Variants in RFTN2 observed in about 807,000 individuals in gnomAD.
RFTN2 encodes raftlin-2.
A neutral mutation model predicts 52.7 loss-of-function variants in RFTN2; 34 were observed. The observed-to-expected ratio is 0.64, with a 90% CI of 0.49 to 0.86. RFTN2 has a LOEUF of 0.86. Ranked by LOEUF, RFTN2 falls within the 40% of genes least tolerant of loss-of-function variation. The probability of loss-of-function intolerance (pLI) is 0.00; values close to 1 mark genes in which losing one functional copy is unlikely to be tolerated. For missense variants in RFTN2, 536 were observed against 600.1 expected, an observed-to-expected ratio of 0.89 and a Z score of 1.12; for synonymous variants, 203 against 217.7, an observed-to-expected ratio of 0.93 and a Z score of 0.59.
intron 7 of RFTN2, among the ~76,000 whole-genome samples, chr2:197,610,671 G>A (rs1009566735): frequency 1.3e-5 from 2 of 152,182 alleles, no homozygotes; most frequent in Non-Finnish European, 2.9e-5. Context: ...TGGTGAGAGA[G>A]GGCATCCTTG....
chr2:197,571,514 A>G lies in RFTN2; in HGVS notation c.*494T>C, dbSNP rs1257038237. ...TGCTATAGTTAAAGACAAAATGTGG[A>G]TTAATTATTATATTTGGGAAATAGA... On this transcript the variant is annotated 3_prime_UTR_variant, in exon 9 of 9. Transcript: ENST00000295049. 1.9e-5 allele frequency: 3 copies of G among 157,176 alleles called. No homozygotes were observed. Among genetic ancestry groups the G allele is most frequent in the African/African-American group, 7.2e-5 (3 of 41,474 alleles). The allele number at this position is 157,176 out of a possible 1,614,324, so 9.7% of individuals were successfully genotyped here. A position where few individuals can be genotyped will look rare whatever the true frequency, so the allele number is the denominator to read the frequency against.
intron 7 of RFTN2, among the ~76,000 whole-genome samples, chr2:197,604,275 C>T (rs1463428819): frequency 6.6e-6 from 1 of 152,208 alleles, no homozygotes; most frequent in Non-Finnish European, 1.5e-5. Context: ...CTTCTAGAAA[C>T]TCACACATGT....
intron 8 of RFTN2, among the ~76,000 whole-genome samples, chr2:197,572,509 C>T (rs559231212): frequency 7.2e-5 from 11 of 152,344 alleles, no homozygotes; most frequent in Admixed American, 6.5e-4. Flanking sequence ...AGGTTCCTGG[C>T]ACATCATTCT....
At chr2:197,649,547 G>A (rs2088797849) in intron 1 of RFTN2, among the ~76,000 whole-genome samples, 1 of 152,206 alleles carries the variant, frequency 6.6e-6, no homozygotes, top group Non-Finnish European at 1.5e-5. Context: ...GGGCTTGGGA[G>A]TACTTCTGGA....
chr2:197,586,059 T>G (rs899069789), intron 8 of RFTN2, among the ~76,000 whole-genome samples: 1 of 152,170 alleles, frequency 6.6e-6, no homozygotes, highest in Non-Finnish European at 1.5e-5. Context: ...AATTGGAGCC[T>G]CCCAGCTCCG....
intron 8 of RFTN2, 96 bp from the exon 9 acceptor site, chr2:197,572,376 G>T: frequency 1.6e-6 from 2 of 1,222,182 alleles, no homozygotes; most frequent in Non-Finnish European, 2.3e-6. Context: ...CTCCAGGAAT[G>T]TCCTTTTCCC....
intron 8 of RFTN2, among the ~76,000 whole-genome samples, chr2:197,576,662 A>G (rs1011046157): frequency 2.0e-5 from 3 of 152,188 alleles, no homozygotes; most frequent in Non-Finnish European, 4.4e-5. Flanking sequence ...TTTTTACAGC[A>G]AATATACAAA....
At chr2:197,619,865 CTTT>C (rs560114395) in intron 5 of RFTN2, among the ~76,000 whole-genome samples, 7 of 139,202 alleles carry the variant, frequency 5.0e-5, no homozygotes, top group African/African-American at 1.0e-4. Flanking sequence ...AAGAGCAACA[CTTT>C]TTTTTTTTTT....
In RFTN2 at chr2:197,644,276, T is replaced by A; in HGVS notation, c.324-4A>T. 1 of 1,518,616 alleles carries A rather than the reference T, an allele frequency of 6.6e-7. No homozygotes were observed. Among genetic ancestry groups the A allele is most frequent in the Non-Finnish European group, 9.1e-7 (1 of 1,093,122 alleles). The allele number at this position is 1,518,616 out of a possible 1,614,324, so 94.1% of individuals were successfully genotyped here. ...GGGTGCTGCCGAATTCTTTGGGCTG[T>A]AACAGAGGGAATATGTTTATGGTTG... On this transcript the variant is annotated splice_region_variant and splice_polypyrimidine_tract_variant and intron_variant, in intron 2 of 8. Coordinates refer to ENST00000295049, the MANE Select transcript of RFTN2 (RefSeq NM_144629.3).
rs10180800 is a variant in RFTN2, at chr2:197,611,423, A to T, written c.1154+4453T>A. On this transcript the variant is annotated intron_variant, in intron 7 of 8. Transcript: ENST00000295049. ...ATAGAGGCGTTTATAGTATTCTCTG[A>T]TAGTAGTTTGTATTTCTGTGGGATC... Among the ~76,000 whole-genome samples, 911 of 152,136 alleles carry T rather than the reference A, an allele frequency of 6.0e-3. 10 individuals are homozygous for T. Among genetic ancestry groups the T allele is most frequent in the African/African-American group, 0.021 (872 of 41,488 alleles).
intron 3 of RFTN2, among the ~76,000 whole-genome samples, chr2:197,642,383 A>G (rs1028668669): frequency 2.6e-5 from 4 of 152,230 alleles, no homozygotes; most frequent in African/African-American, 9.6e-5. Flanking sequence ...ATCAATTTAG[A>G]ATATTTATGA....
At position 197,571,574 on chromosome 2, in the gene RFTN2, GAGAGAGAGAGAAAAAAAA is replaced by G. The variant is rs2087317755; in HGVS notation, c.*416_*433del. Reference sequence around the variant, plus strand: ...GCACTAATTAGCTGTGTGTGTGTATGAGAGAGAGAGAAAAAAAAAGAGAGAGAGAGGTTATTTTTCAGC... The same window carrying G: ...GCACTAATTAGCTGTGTGTGTGTATGAGAGAGAGAGAGGTTATTTTTCAGC... On this transcript the variant is annotated 3_prime_UTR_variant, in exon 9 of 9. Coordinates refer to ENST00000295049, the MANE Select transcript of RFTN2 (RefSeq NM_144629.3). 7.2e-6 allele frequency: 1 copy of G among 138,666 alleles called. No individual in the cohort carries two copies. The highest frequency in any genetic ancestry group is 2.7e-5 in the African/African-American group (1 of 36,470). 8.6% of individuals were successfully genotyped at this position (138,666 alleles called of 1,614,324 possible).
chr2:197,590,724 C>G (rs574082433), intron 8 of RFTN2, among the ~76,000 whole-genome samples: 35 of 152,032 alleles, frequency 2.3e-4, no homozygotes, highest in African/African-American at 8.4e-4. Context: ...AGGAATGAAC[C>G]CGCAGACCTC....
intron 8 of RFTN2, among the ~76,000 whole-genome samples, chr2:197,578,929 G>A (rs753327815): frequency 1.3e-5 from 2 of 152,022 alleles, no homozygotes; most frequent in African/African-American, 4.8e-5. Flanking sequence ...TCAAGTAAGC[G>A]GCCTCTTTTA....
At chr2:197,634,511 C>G (rs1201747525) in intron 3 of RFTN2, among the ~76,000 whole-genome samples, 1 of 151,838 alleles carries the variant, frequency 6.6e-6, no homozygotes. Flanking sequence ...AGCACAAGCC[C>G]AATTTATACC....
intron 5 of RFTN2, among the ~76,000 whole-genome samples, chr2:197,619,051 G>A (rs1246839292): frequency 1.3e-5 from 2 of 151,330 alleles, no homozygotes; most frequent in African/African-American, 2.4e-5. Context: ...TGTCCGGGAG[G>A]TGAGGGGTGC....
rs558407159 is a variant in RFTN2, at chr2:197,590,295, T to C, written c.1233+5696A>G. ...TCTAGTTTAACTAAAATGAATTCTC[T>C]TAATAGCTTAGAGAAAACTGAGGTA... On this transcript the variant is annotated intron_variant, in intron 8 of 8. Coordinates refer to ENST00000295049, the MANE Select transcript of RFTN2 (RefSeq NM_144629.3). Among the ~76,000 whole-genome samples the C allele has an allele frequency of 4.6e-5, 7 of 152,306 alleles. No individual in the cohort carries two copies. The South Asian group carries it at 1.5e-3, about 32-fold the overall frequency.
intron 5 of RFTN2, among the ~76,000 whole-genome samples, chr2:197,630,718 T>C (rs1318387163): frequency 6.6e-6 from 1 of 152,236 alleles, no homozygotes; most frequent in Non-Finnish European, 1.5e-5. Context: ...ACTATTATAG[T>C]ACATCTTATT....
At chr2:197,640,941 C>G (rs1451709740) in intron 3 of RFTN2, among the ~76,000 whole-genome samples, 1 of 152,180 alleles carries the variant, frequency 6.6e-6, no homozygotes, top group African/African-American at 2.4e-5. Flanking sequence ...ACGTAGGGGA[C>G]TGTGTCTTAT....
Sources: allele counts gnomAD v4.1 joint callset (sites outside exome capture counted in the v4.1 genomes callset), GRCh38; gene constraint gnomAD v4.1.1; transcripts MANE v1.5; gene names NCBI Gene and HGNC (gene_info 2026-07-23, HGNC 2026-07-21).